The following TRAPPC9 variants were observed in gnomAD, a reference collection of about 807,000 sequenced individuals.
The protein encoded by TRAPPC9 is trafficking protein particle complex subunit 9.
Under a neutral mutation model 124.0 loss-of-function variants are expected in TRAPPC9, and 83 were observed. The ratio of observed to expected loss-of-function variants is 0.67; its 90% CI spans 0.56 to 0.80. The LOEUF (loss-of-function observed/expected upper bound fraction) is 0.80, where lower values mean the gene tolerates loss of function less well. TRAPPC9 is among the 30% of genes least tolerant of loss of function. TRAPPC9 has a pLI of 0.00. For missense variants in TRAPPC9, 1,302 were observed against 1,508.3 expected (o/e 0.86, Z 2.27); for synonymous variants, 638 against 617.5 (o/e 1.03, Z -0.49).
chr8:140,003,175 C>A (rs528535084), intron 18 of TRAPPC9, among the ~76,000 whole-genome samples: 1 of 151,754 alleles, frequency 6.6e-6, no homozygotes, highest in Non-Finnish European at 1.5e-5. Context: ...AACGAATAAC[C>A]TAATAAAACA....
intron 21 of TRAPPC9, among the ~76,000 whole-genome samples, chr8:139,809,406 A>C (rs1824282090): frequency 6.6e-6 from 1 of 152,300 alleles, no homozygotes; most frequent in East Asian, 1.9e-4. Flanking sequence ...GAATAGCAGG[A>C]AAGTTCCCAA....
intron 19 of TRAPPC9, among the ~76,000 whole-genome samples, chr8:139,915,934 G>A (rs148172569): frequency 2.9e-4 from 44 of 152,296 alleles, no homozygotes; most frequent in African/African-American, 9.9e-4. Flanking sequence ...GGGCTTGTGC[G>A]TGTGAATGCA....
chr8:140,114,892 C>T (rs750294874), intron 17 of TRAPPC9, among the ~76,000 whole-genome samples: 1 of 152,158 alleles, frequency 6.6e-6, no homozygotes, highest in Non-Finnish European at 1.5e-5. Context: ...GCAATATCCA[C>T]GGAATAATAC....
At chr8:139,845,423 A>G (rs1419078516) in intron 21 of TRAPPC9, among the ~76,000 whole-genome samples, 5 of 152,228 alleles carry the variant, frequency 3.3e-5, no homozygotes, top group Non-Finnish European at 2.9e-5. Flanking sequence ...GATGGCTAAT[A>G]GCTTCCTAAT....
At chr8:139,964,156 G>A (rs1363312054) in intron 19 of TRAPPC9, among the ~76,000 whole-genome samples, 1 of 149,762 alleles carries the variant, frequency 6.7e-6, no homozygotes, top group Admixed American at 6.7e-5. Flanking sequence ...CCTGGCAGGT[G>A]GAGCTTGCAG....
At chr8:140,047,990 G>C (rs959448820) in intron 17 of TRAPPC9, among the ~76,000 whole-genome samples, 1 of 152,264 alleles carries the variant, frequency 6.6e-6, no homozygotes, top group Non-Finnish European at 1.5e-5. Context: ...AAACAAGGAC[G>C]CATGTGCAGC....
At chr8:140,316,724 G>C (rs2066451927) in intron 9 of TRAPPC9, among the ~76,000 whole-genome samples, 1 of 152,116 alleles carries the variant, frequency 6.6e-6, no homozygotes, top group Non-Finnish European at 1.5e-5. Flanking sequence ...TTTGTTGATG[G>C]TGTGTCTTTC....
intron 16 of TRAPPC9, among the ~76,000 whole-genome samples, chr8:140,234,830 T>A (rs2063693325): frequency 6.6e-6 from 1 of 152,200 alleles, no homozygotes; most frequent in Admixed American, 6.5e-5. Flanking sequence ...TAGGCCTAAA[T>A]GCAAAAACTA....
At chr8:139,904,975 C>T (rs953602472) in intron 20 of TRAPPC9, 2 of 152,208 alleles carry the variant, frequency 1.3e-5, no homozygotes, top group African/African-American at 4.8e-5. Context: ...CTGCTATTAA[C>T]AGAGTTCACA....
At chr8:140,300,973 G>A (rs2065960646) in intron 10 of TRAPPC9, among the ~76,000 whole-genome samples, 1 of 152,204 alleles carries the variant, frequency 6.6e-6, no homozygotes, top group African/African-American at 2.4e-5. Context: ...TAAGACGTAG[G>A]TTCCTTGTGT....
intron 17 of TRAPPC9, among the ~76,000 whole-genome samples, chr8:140,173,503 G>C (rs1193863236): frequency 6.8e-6 from 1 of 146,148 alleles, no homozygotes. Context: ...GCAGTGAGCC[G>C]AGATCGCACC....
intron 17 of TRAPPC9, among the ~76,000 whole-genome samples, chr8:140,147,082 TG>T (rs1358656300): frequency 2.0e-5 from 3 of 152,228 alleles, no homozygotes; most frequent in African/African-American, 7.2e-5. Context: ...TCTACATTAT[TG>T]CCTCCTCTCA....
intron 21 of TRAPPC9, among the ~76,000 whole-genome samples, chr8:139,796,147 A>T (rs1823075571): frequency 6.7e-6 from 1 of 149,838 alleles, no homozygotes; most frequent in African/African-American, 2.5e-5. Flanking sequence ...GAGGAGGAAG[A>T]GGAGGAGGAA....
chr8:140,376,279 G>A lies in TRAPPC9; in HGVS notation c.1135-5099C>T, dbSNP rs1463449697. Among the ~76,000 whole-genome samples, 10 of 152,098 alleles carry A rather than the reference G, an allele frequency of 6.6e-5. No homozygotes were observed. The East Asian group carries it at 1.2e-3, about 18-fold the overall frequency. Reference sequence around the variant, plus strand: ...ATAAAGAATCACAGTGTTGGAGGCCGGGCGCGGTGGCTCACGCCTGTAATC... The same window carrying A: ...ATAAAGAATCACAGTGTTGGAGGCCAGGCGCGGTGGCTCACGCCTGTAATC... On this transcript the variant is annotated intron_variant, in intron 7 of 22. Transcript: ENST00000438773.
At chr8:140,358,980 TG>T (rs2067843764) in intron 9 of TRAPPC9, among the ~76,000 whole-genome samples, 1 of 152,140 alleles carries the variant, frequency 6.6e-6, no homozygotes, top group Non-Finnish European at 1.5e-5. Context: ...CAGGCCCTGC[TG>T]GGTCAGCAGA....
chr8:139,995,008 A>G (rs185091205), intron 18 of TRAPPC9, among the ~76,000 whole-genome samples: 1 of 152,214 alleles, frequency 6.6e-6, no homozygotes, highest in Admixed American at 6.5e-5. Context: ...GTGAGTTCCA[A>G]TTCTGGAAAA....
intron 7 of TRAPPC9, among the ~76,000 whole-genome samples, chr8:140,386,629 A>G (rs2068761778): frequency 6.6e-6 from 1 of 152,222 alleles, no homozygotes; most frequent in African/African-American, 2.4e-5. Context: ...GGACCTCTTC[A>G]AGGAGAACTA....
At chr8:139,769,346 TACAAC>T (rs1264537142) in intron 21 of TRAPPC9, among the ~76,000 whole-genome samples, 1 of 152,160 alleles carries the variant, frequency 6.6e-6, no homozygotes, top group Non-Finnish European at 1.5e-5. Context: ...ATGCCAGCAC[TACAAC>T]ACAGCAGCTG....
At chr8:140,298,332 C>T (rs528556118) in intron 11 of TRAPPC9, among the ~76,000 whole-genome samples, 12 of 152,154 alleles carry the variant, frequency 7.9e-5, no homozygotes, top group Non-Finnish European at 1.3e-4. Flanking sequence ...AATCCTAGAG[C>T]TAGTAATATA....
Sources: allele counts gnomAD v4.1 joint callset (sites outside exome capture counted in the v4.1 genomes callset), GRCh38; gene constraint gnomAD v4.1.1; transcripts MANE v1.5; gene names NCBI Gene and HGNC (gene_info 2026-07-23, HGNC 2026-07-21).